The following ZNF385D variants were observed in gnomAD, a reference collection of about 807,000 sequenced individuals.
ZNF385D encodes the protein zinc finger protein 385D.
Under a neutral mutation model 35.8 loss-of-function variants are expected in ZNF385D, and 15 were observed. That is an observed-to-expected ratio of 0.42 (90% confidence interval 0.28 to 0.64). The LOEUF (loss-of-function observed/expected upper bound fraction) is 0.64, where lower values mean the gene tolerates loss of function less well. Among genes scored for constraint, ZNF385D ranks in the 30% least tolerant of loss-of-function variants. The pLI, the probability that ZNF385D is intolerant of heterozygous loss-of-function variation, is 0.23. For missense variants in ZNF385D, 474 were observed against 494.6 expected (o/e 0.96, Z 0.39); for synonymous variants, 212 against 186.8 (o/e 1.13, Z -1.10).
intron 2 of ZNF385D, among the ~76,000 whole-genome samples, chr3:22,321,164 G>GTTTTTTTTTT: frequency 2.1e-3 from 161 of 75,946 alleles, no homozygotes; most frequent in Admixed American, 2.4e-3. Flanking sequence ...TTATGACCTT[G>GTTTTTTTTTT]TTTTTTTTTT....
chr3:22,177,872 T>C (rs1285720828), intron 2 of ZNF385D, among the ~76,000 whole-genome samples: 1 of 152,184 alleles, frequency 6.6e-6, no homozygotes, highest in African/African-American at 2.4e-5. Flanking sequence ...CTGAGAATGA[T>C]GGTTTCCAGC....
chr3:22,178,179 G>A (rs1349556297), intron 2 of ZNF385D, among the ~76,000 whole-genome samples: 4 of 152,170 alleles, frequency 2.6e-5, no homozygotes, highest in Non-Finnish European at 4.4e-5. Context: ...CACAATGGTT[G>A]AACTAGTTTA....
intron 2 of ZNF385D, among the ~76,000 whole-genome samples, chr3:22,186,661 G>C (rs557503854): frequency 4.2e-4 from 64 of 151,980 alleles, no homozygotes; most frequent in African/African-American, 1.5e-3. Flanking sequence ...ATATATTTTT[G>C]GTCTCATGAG....
At chr3:22,067,320 A>G (rs1700007715) in intron 3 of ZNF385D, among the ~76,000 whole-genome samples, 1 of 152,204 alleles carries the variant, frequency 6.6e-6, no homozygotes, top group Admixed American at 6.5e-5. Context: ...GTAATCTTTA[A>G]TAACTGTCTT....
intron 2 of ZNF385D, among the ~76,000 whole-genome samples, chr3:21,614,497 C>G (rs1013214612): frequency 6.6e-6 from 1 of 152,216 alleles, no homozygotes; most frequent in Admixed American, 6.5e-5. Context: ...CCCTTGATTG[C>G]AGTCACACAG....
chr3:22,171,777 T>A (rs370900011), intron 2 of ZNF385D, among the ~76,000 whole-genome samples: 2 of 147,544 alleles, frequency 1.4e-5, no homozygotes, highest in Non-Finnish European at 3.0e-5. Context: ...CTCGGGAGGC[T>A]GAGGCAGGAG....
At position 21,871,090 on chromosome 3, in the gene ZNF385D, G is replaced by A. The variant is rs78417662; in HGVS notation, c.326-206062C>T. On this transcript the variant is annotated intron_variant, in intron 3 of 5. Transcript: ENST00000494108. ...CTGCCTGAAGACTCTCCCCAACTCT[G>A]TGACCTCATCTCTCAGTACAACTCT... Among the ~76,000 whole-genome samples, 32 of 152,240 alleles carry A rather than the reference G, an allele frequency of 2.1e-4. No individual in the cohort carries two copies. In the East Asian group the frequency reaches 5.4e-3, roughly 26 times the overall value.
rs551987569 is a variant in ZNF385D, at chr3:21,807,695, CTTTG to C, written c.326-142671_326-142668del. On this transcript the variant is annotated intron_variant, in intron 3 of 5. Coordinates refer to the ZNF385D transcript ENST00000494108. ...TTATGGTGAAAATGTTTCTTAGAAA[CTTTG>C]TTTAAAACTTAACAAAATAGGAGCA... is the stretch of plus-strand genomic sequence containing the variant. 3.3e-5 allele frequency among the ~76,000 whole-genome samples: 5 copies of C among 152,082 alleles called. No homozygotes were observed. The South Asian group carries it at 1.0e-3, about 32-fold the overall frequency.
intron 2 of ZNF385D, among the ~76,000 whole-genome samples, chr3:22,332,153 A>G (rs1035762186): frequency 3.3e-5 from 5 of 152,274 alleles, no homozygotes; most frequent in African/African-American, 1.2e-4. Context: ...GCCTAACAAG[A>G]CCTGGTTGTT....
chr3:21,460,054 T>A (rs1180304939), intron 4 of ZNF385D, among the ~76,000 whole-genome samples: 1 of 152,214 alleles, frequency 6.6e-6, no homozygotes, highest in Non-Finnish European at 1.5e-5. Flanking sequence ...TCAGTCAATT[T>A]ACTCTGAATG....
At chr3:21,450,000 G>A (rs1702363743) in intron 4 of ZNF385D, among the ~76,000 whole-genome samples, 2 of 152,230 alleles carry the variant, frequency 1.3e-5, no homozygotes, top group African/African-American at 4.8e-5. Context: ...AGAGCCAGAA[G>A]GCAAGCTGGG....
At chr3:21,735,370 A>C (rs2069196543) in intron 1 of ZNF385D, among the ~76,000 whole-genome samples, 1 of 152,174 alleles carries the variant, frequency 6.6e-6, no homozygotes, top group South Asian at 2.1e-4. Flanking sequence ...AGGCGGCCCT[A>C]TTTGTGCCAC....
chr3:22,074,191 C>A (rs1168205289), intron 3 of ZNF385D, among the ~76,000 whole-genome samples: 2 of 151,892 alleles, frequency 1.3e-5, no homozygotes, highest in African/African-American at 2.4e-5. Context: ...AACAGCTGTG[C>A]AATTTGTCTG....
intron 3 of ZNF385D, among the ~76,000 whole-genome samples, chr3:22,045,259 G>A (rs1193064120): frequency 6.6e-6 from 1 of 151,996 alleles, no homozygotes; most frequent in Non-Finnish European, 1.5e-5. Context: ...CATTTGAGTT[G>A]ATTTTTCAAT....
chr3:22,328,825 C>T (rs1694796810), intron 2 of ZNF385D, among the ~76,000 whole-genome samples: 2 of 151,658 alleles, frequency 1.3e-5, no homozygotes, highest in Admixed American at 6.6e-5. Context: ...CCTGTAATCC[C>T]AGCACTTTGG....
At chr3:22,282,392 C>A (rs974085791) in intron 2 of ZNF385D, among the ~76,000 whole-genome samples, 1 of 152,014 alleles carries the variant, frequency 6.6e-6, no homozygotes, top group African/African-American at 2.4e-5. Flanking sequence ...CCTCTTAGCA[C>A]CACTTTTGCT....
intron 3 of ZNF385D, among the ~76,000 whole-genome samples, chr3:22,142,680 C>A (rs1025098982): frequency 6.6e-6 from 1 of 152,020 alleles, no homozygotes; most frequent in Admixed American, 6.6e-5. Flanking sequence ...AGCCAAACAG[C>A]CTCAGCAGGT....
intron 3 of ZNF385D, among the ~76,000 whole-genome samples, chr3:22,106,311 A>G (rs959186042): frequency 2.0e-5 from 3 of 152,162 alleles, no homozygotes; most frequent in Non-Finnish European, 4.4e-5. Flanking sequence ...TGGATGAAGT[A>G]AGGACAATTA....
chr3:22,300,822 T>A (rs573413884), intron 2 of ZNF385D, among the ~76,000 whole-genome samples: 1 of 152,002 alleles, frequency 6.6e-6, no homozygotes, highest in African/African-American at 2.4e-5. Context: ...AGGGAATCCA[T>A]GTGCAATTTT....
Sources: allele counts gnomAD v4.1 joint callset (sites outside exome capture counted in the v4.1 genomes callset), GRCh38; gene constraint gnomAD v4.1.1; transcripts MANE v1.5; gene names NCBI Gene and HGNC (gene_info 2026-07-23, HGNC 2026-07-21).